Variants in COL28A1 observed in about 807,000 individuals in gnomAD.
COL28A1 encodes collagen type XXVIII alpha 1 chain.
A neutral mutation model predicts 150.2 loss-of-function variants in COL28A1; 161 were observed. That is an observed-to-expected ratio of 1.07 (90% CI 0.94 to 1.22). COL28A1 has a LOEUF of 1.22. Among genes scored for constraint, COL28A1 ranks in the 50% most tolerant of loss-of-function variants. COL28A1 has a pLI of 0.00. For synonymous variants in COL28A1, 552 were observed against 469.7 expected, an observed-to-expected ratio of 1.18 and a Z score of -2.26; for missense variants, 1,617 against 1,388.3, an observed-to-expected ratio of 1.16 and a Z score of -2.62.
chr7:7,348,202 GA>G, the COL28A1 span, among the ~76,000 whole-genome samples: 1 of 152,152 alleles, frequency 6.6e-6, no homozygotes, highest in African/African-American at 2.4e-5. Context: ...AGGACAATGA[GA>G]GTAAAGTTGG....
At chr7:7,396,853 G>A (rs555169678) in intron 27 of COL28A1, among the ~76,000 whole-genome samples, 1 of 152,276 alleles carries the variant, frequency 6.6e-6, no homozygotes, top group African/African-American at 2.4e-5. Context: ...CTGATTTTGA[G>A]TCTGTTCCTA....
Position 7,506,267 on chromosome 7 carries a change from T to C in COL28A1, c.973-200A>G, listed in dbSNP as rs1308962654. On this transcript the variant is annotated intron_variant, in intron 10 of 34. Coordinates refer to ENST00000399429, the MANE Select transcript of COL28A1 (RefSeq NM_001037763.3). ...TACGTAGCTTCCAAAATAGCACTTA[T>C]GCTAAGAGCAAACATTTAATTAACG... Among the ~76,000 whole-genome samples the C allele has an allele frequency of 4.6e-5, 7 of 152,262 alleles. No individual in the cohort carries two copies. In the East Asian group the frequency reaches 7.7e-4, roughly 17 times the overall value.
chr7:7,481,781 A>T (rs542185586), intron 13 of COL28A1, among the ~76,000 whole-genome samples: 1 of 152,370 alleles, frequency 6.6e-6, no homozygotes, highest in South Asian at 2.1e-4. Flanking sequence ...CAAGCATTAG[A>T]GATAAATATG....
rs1462836940 is a variant in COL28A1 at position 7,381,569 on chromosome 7, AT to A, written c.2179del (p.Met727TrpfsTer45). 6.2e-7 allele frequency: 1 copy of A among 1,613,898 alleles called. No individual in the cohort carries two copies. Among genetic ancestry groups the A allele is most frequent in the Non-Finnish European group, 8.5e-7 (1 of 1,179,776 alleles). On this transcript the variant is annotated frameshift_variant, in exon 28 of 35. Coordinates refer to ENST00000399429, the MANE Select transcript of COL28A1 (RefSeq NM_001037763.3). LOFTEE classifies it high-confidence loss of function. ...PQGFPGPKGT[M>X]GHGLPGQKGE... ...CTTCTGGCCTGGGAGGCCATGGCCC[AT>A]TGTGCCCTTTGGGCCTGGGAAGCCT...
chr7:7,363,482 A>G (rs34591019), intron 33 of COL28A1, among the ~76,000 whole-genome samples: 4,427 of 152,292 alleles, frequency 0.029, 108 homozygotes, highest in Non-Finnish European at 0.047. Context: ...CAACAAATGC[A>G]TAATTATTAC....
chr7:7,434,867 A>G (rs1239749962), intron 23 of COL28A1, among the ~76,000 whole-genome samples: 2 of 152,178 alleles, frequency 1.3e-5, no homozygotes, highest in Non-Finnish European at 2.9e-5. Context: ...CTCTCATTCA[A>G]TAGAAATTAG....
At chr7:7,538,522 C>G (rs539640028), upstream of COL28A1, among the ~76,000 whole-genome samples, 11 of 152,288 alleles carry the variant, frequency 7.2e-5, no homozygotes, top group South Asian at 2.1e-4. Flanking sequence ...CTCCAAAGCT[C>G]TGCTAGATGA....
At chr7:7,540,742 G>A (rs1391594945), upstream of COL28A1, among the ~76,000 whole-genome samples, 1 of 152,206 alleles carries the variant, frequency 6.6e-6, no homozygotes, top group African/African-American at 2.4e-5. Context: ...CATGGGCTAA[G>A]TCCCAGCACA....
chr7:7,499,848 C>A (rs1293723204), intron 11 of COL28A1, among the ~76,000 whole-genome samples: 2 of 152,056 alleles, frequency 1.3e-5, no homozygotes, highest in Non-Finnish European at 2.9e-5. Context: ...AAATAATGAC[C>A]AAAACAATAA....
chr7:7,445,418 C>A (rs1479181400), intron 18 of COL28A1, among the ~76,000 whole-genome samples: 3 of 152,068 alleles, frequency 2.0e-5, no homozygotes, highest in Non-Finnish European at 4.4e-5. Flanking sequence ...GAAGCATAAC[C>A]CTGCAGACTG....
At chr7:7,388,012 A>G (rs1196202685) in intron 27 of COL28A1, among the ~76,000 whole-genome samples, 1 of 151,958 alleles carries the variant, frequency 6.6e-6, no homozygotes, top group African/African-American at 2.4e-5. Flanking sequence ...TATTCATACC[A>G]ATTTCAGTTC....
At chr7:7,346,096 GAC>G in the COL28A1 span, among the ~76,000 whole-genome samples, 1 of 151,882 alleles carries the variant, frequency 6.6e-6, no homozygotes, top group Non-Finnish European at 1.5e-5. Flanking sequence ...TAAAGTTTAA[GAC>G]ATTCTGAAAT....
chr7:7,363,639 A>G (rs1297651596), intron 33 of COL28A1, among the ~76,000 whole-genome samples: 1 of 151,830 alleles, frequency 6.6e-6, no homozygotes, highest in Non-Finnish European at 1.5e-5. Context: ...ATTCAGGTAT[A>G]TTTTTCCCTA....
chr7:7,393,844 T>C (rs932451393), intron 27 of COL28A1, among the ~76,000 whole-genome samples: 5 of 152,128 alleles, frequency 3.3e-5, no homozygotes, highest in Non-Finnish European at 7.4e-5. Context: ...TTTCAAGCCA[T>C]TGGATCTTAG....
At chr7:7,474,478 T>A in intron 15 of COL28A1, 123 bp downstream of exon 15, 1 of 526,722 alleles carries the variant, frequency 1.9e-6, no homozygotes, top group Non-Finnish European at 3.4e-6. Context: ...TATACTAGAT[T>A]TATAATTAAC....
chr7:7,394,437 T>C (rs570678795), intron 27 of COL28A1, among the ~76,000 whole-genome samples: 23 of 152,376 alleles, frequency 1.5e-4, no homozygotes, highest in African/African-American at 4.8e-4. Flanking sequence ...TTTTATAGTA[T>C]GGGAAACTAA....
chr7:7,427,289 T>C (rs147707610), intron 25 of COL28A1, among the ~76,000 whole-genome samples: 1 of 152,192 alleles, frequency 6.6e-6, no homozygotes. Context: ...AAACTTTGTA[T>C]GGCTCTGGCT....
At chr7:7,491,278 T>C (rs6971456) in intron 11 of COL28A1, among the ~76,000 whole-genome samples, 14,489 of 152,242 alleles carry the variant, frequency 0.095, 861 homozygotes, top group Middle Eastern at 0.22. Flanking sequence ...GTTGGTCACA[T>C]GGCTCAATTC....
chr7:7,427,963 A>C (rs570315976), intron 25 of COL28A1, among the ~76,000 whole-genome samples: 22 of 152,262 alleles, frequency 1.4e-4, no homozygotes, highest in African/African-American at 5.3e-4. Context: ...TCATTCATCC[A>C]TATCCATAGC....
Sources: allele counts gnomAD v4.1 joint callset (sites outside exome capture counted in the v4.1 genomes callset), GRCh38; gene constraint gnomAD v4.1.1; transcripts MANE v1.5; gene names NCBI Gene and HGNC (gene_info 2026-07-23, HGNC 2026-07-21).